Variants in SAMMSON observed in about 807,000 individuals in gnomAD.
The protein encoded by SAMMSON is survival associated mitochondrial melanoma specific oncogenic non-coding RNA.
At chr3:70,172,431 C>T (rs1006345524) in intron 4 of SAMMSON, 6 of 151,930 alleles carry the variant, frequency 3.9e-5, no homozygotes, top group African/African-American at 1.2e-4. Context: ...CATTAAGAAA[C>T]TGCTACTGCC....
chr3:70,305,563 G>A (rs1702392540), intron 7 of SAMMSON, among the ~76,000 whole-genome samples: 1 of 152,206 alleles, frequency 6.6e-6, no homozygotes, highest in Admixed American at 6.5e-5. Context: ...TGAGTTCCTT[G>A]AGGGCAGGAC....
chr3:70,355,458 T>C (rs569310217), intron 8 of SAMMSON, among the ~76,000 whole-genome samples: 1 of 151,826 alleles, frequency 6.6e-6, no homozygotes, highest in South Asian at 2.1e-4. Flanking sequence ...AAAAACAGGG[T>C]GTTATTTTTA....
intron 7 of SAMMSON, among the ~76,000 whole-genome samples, chr3:70,303,162 A>G (rs1702366452): frequency 6.6e-6 from 1 of 152,212 alleles, no homozygotes; most frequent in Non-Finnish European, 1.5e-5. Context: ...GGAGAAGAGC[A>G]TGGGTCATTG....
intron 4 of SAMMSON, among the ~76,000 whole-genome samples, chr3:70,157,284 C>T (rs1032765208): frequency 6.6e-6 from 1 of 151,978 alleles, no homozygotes; most frequent in Non-Finnish European, 1.5e-5. Flanking sequence ...CTACGAGGAA[C>T]GATGGTGAAG....
At chr3:70,050,639 A>G (rs75919170) in intron 3 of SAMMSON, among the ~76,000 whole-genome samples, 1 of 152,082 alleles carries the variant, frequency 6.6e-6, no homozygotes, top group African/African-American at 2.4e-5. Context: ...GATTCCCCTC[A>G]TGGTTGAATC....
chr3:70,209,511 A>T (rs890360088), intron 4 of SAMMSON, among the ~76,000 whole-genome samples: 7 of 152,062 alleles, frequency 4.6e-5, no homozygotes, highest in African/African-American at 1.7e-4. Context: ...AACAGATGGG[A>T]AATGTATGAA....
intron 4 of SAMMSON, among the ~76,000 whole-genome samples, chr3:70,146,702 C>A (rs1425377940): frequency 6.6e-6 from 1 of 151,978 alleles, no homozygotes; most frequent in Non-Finnish European, 1.5e-5. Flanking sequence ...CTACAGCTAA[C>A]AACCTACTTA....
intron 6 of SAMMSON, among the ~76,000 whole-genome samples, chr3:70,287,010 C>A (rs977052508): frequency 6.7e-5 from 10 of 149,278 alleles, no homozygotes; most frequent in Non-Finnish European, 1.3e-4. Flanking sequence ...CAAACAGGGA[C>A]AATTTGACTT....
At chr3:70,126,156 A>G (rs751924187) in intron 4 of SAMMSON, 5 of 1,235,596 alleles carry the variant, frequency 4.0e-6, no homozygotes, top group Non-Finnish European at 4.6e-6. Context: ...TGAGGCATGA[A>G]TTAAGAAAAG....
intron 4 of SAMMSON, among the ~76,000 whole-genome samples, chr3:70,104,508 G>A (rs1431743019): frequency 6.6e-6 from 1 of 152,086 alleles, no homozygotes; most frequent in South Asian, 2.1e-4. Flanking sequence ...AGTTTAAAAC[G>A]ATTATGATCA....
chr3:70,035,893 CAAAT>C (rs1210955767), intron 3 of SAMMSON, among the ~76,000 whole-genome samples: 1 of 151,812 alleles, frequency 6.6e-6, no homozygotes, highest in African/African-American at 2.4e-5. Flanking sequence ...TGTAACTGAC[CAAAT>C]AAATAAAGTA....
intron 2 of SAMMSON, among the ~76,000 whole-genome samples, chr3:70,395,603 G>T (rs1701085687): frequency 6.6e-6 from 1 of 152,024 alleles, no homozygotes; most frequent in African/African-American, 2.4e-5. Context: ...AAATCTACTT[G>T]AGGGCTTGTT....
chr3:70,105,525 G>C (rs909966314), intron 4 of SAMMSON, among the ~76,000 whole-genome samples: 1 of 152,156 alleles, frequency 6.6e-6, no homozygotes, highest in African/African-American at 2.4e-5. Context: ...GTGGCATGTC[G>C]AGATCTTTCC....
At chr3:70,422,591 TA>T (rs1028838579) in intron 2 of SAMMSON, among the ~76,000 whole-genome samples, 13 of 152,108 alleles carry the variant, frequency 8.5e-5, no homozygotes, top group African/African-American at 3.1e-4. Flanking sequence ...TGTAAACATC[TA>T]AAAAAATTAA....
chr3:70,164,314 C>T (rs1182375183), intron 4 of SAMMSON, among the ~76,000 whole-genome samples: 1 of 151,910 alleles, frequency 6.6e-6, no homozygotes, highest in Non-Finnish European at 1.5e-5. Flanking sequence ...CTCTCTATGA[C>T]AAAATATGTA....
chr3:70,005,086 A>G (rs1286574352), intron 1 of SAMMSON, among the ~76,000 whole-genome samples: 1 of 152,180 alleles, frequency 6.6e-6, no homozygotes, highest in East Asian at 1.9e-4. Context: ...ATGTTTCAGT[A>G]AGAGGAGATT....
chr3:70,251,022 G>A (rs1206403449), intron 6 of SAMMSON, among the ~76,000 whole-genome samples: 6 of 152,144 alleles, frequency 3.9e-5, no homozygotes, highest in East Asian at 1.9e-4. Flanking sequence ...CCATTTAAAC[G>A]CCTTTCCAGA....
intron 4 of SAMMSON, chr3:70,206,507 T>C: frequency 2.5e-6 from 1 of 396,708 alleles, no homozygotes; most frequent in Non-Finnish European, 4.4e-6. Flanking sequence ...TATGTGATGA[T>C]TTTACAGGGG....
chr3:70,336,909 G>T (rs576608347), intron 7 of SAMMSON, among the ~76,000 whole-genome samples: 26 of 148,854 alleles, frequency 1.7e-4, no homozygotes, highest in African/African-American at 6.4e-4. Flanking sequence ...GCTCCTACCA[G>T]GGGTTCATCT....
Sources: gnomAD v4.1 joint callset for allele counts (sites outside exome capture counted in the v4.1 genomes callset) on GRCh38, gnomAD v4.1.1 for gene constraint, MANE v1.5 for transcripts, NCBI Gene and HGNC (gene_info 2026-07-23, HGNC 2026-07-21) for gene names.